RYR3: variants seen among roughly 807,000 people sequenced by gnomAD.
RYR3 encodes the protein brain ryanodine receptor-calcium release channel.
A neutral mutation model predicts 584.3 loss-of-function variants in RYR3; 207 were observed. The ratio of observed to expected loss-of-function variants is 0.35; its 90% CI spans 0.32 to 0.40. The LOEUF is 0.40. RYR3 is among the 10% of genes least tolerant of loss of function. The pLI is 1.00. For synonymous variants in RYR3, 2,416 were observed against 2,248.5 expected (o/e 1.07, Z -2.11); for missense variants, 5,616 against 6,089.2 (o/e 0.92, Z 2.59).
chr15:33,550,203 C>T lies in RYR3; in HGVS notation c.859C>T (p.Arg287Trp), dbSNP rs373319826. 61 of 1,613,692 alleles carry T rather than the reference C, an allele frequency of 3.8e-5. No individual in the cohort carries two copies. The highest frequency in any genetic ancestry group is 4.8e-5 in the Non-Finnish European group (57 of 1,179,806). Reference sequence around the variant, plus strand: ...CAGATGGGGCCAGGCTTTCCGACTCCGGCATCTCACCACAGGCCACTACCT... The same window carrying T: ...CAGATGGGGCCAGGCTTTCCGACTCTGGCATCTCACCACAGGCCACTACCT... ...NIRWGQAFRL[R>W]HLTTGHYLAL... The change falls in exon 10 of 104, where the codon CGG becomes TGG. Residue 287 changes from arginine to tryptophan, a missense_variant. By Grantham distance (101) the Arg-to-Trp change is moderately radical (BLOSUM62 -3). Around this residue, in one of 9 missense-constraint regions of RYR3, gnomAD observed 1,284 missense variants for 1,344.6 expected, o/e 0.95. Transcript: ENST00000634891.
At chr15:33,675,065 G>A (rs185021631) in intron 38 of RYR3, among the ~76,000 whole-genome samples, 75 of 152,278 alleles carry the variant, frequency 4.9e-4, no homozygotes, top group Middle Eastern at 6.8e-3. Flanking sequence ...ACTGCAGTCC[G>A]GCCTGGGTGA....
intron 86 of RYR3, 103 bp downstream of exon 86, chr15:33,831,194 C>T (rs1178942789): frequency 4.6e-6 from 5 of 1,096,008 alleles, no homozygotes; most frequent in Non-Finnish European, 6.3e-6. Context: ...GTGCACTATC[C>T]ATCCAGCCCT....
intron 77 of RYR3, among the ~76,000 whole-genome samples, chr15:33,820,204 T>C (rs769495806): frequency 7.9e-5 from 12 of 152,156 alleles, no homozygotes; most frequent in Admixed American, 3.9e-4. Flanking sequence ...TGACCAGAAA[T>C]GTTCTTTGTC....
chr15:33,452,603 G>C (rs913604779), intron 1 of RYR3, among the ~76,000 whole-genome samples: 1 of 152,152 alleles, frequency 6.6e-6, no homozygotes, highest in African/African-American at 2.4e-5. Context: ...TACAAGTACT[G>C]TTTTGGAGGT....
chr15:33,337,934 ATTTTTT>A (rs199625940), intron 1 of RYR3, among the ~76,000 whole-genome samples: 66 of 113,602 alleles, frequency 5.8e-4, no homozygotes, highest in African/African-American at 1.8e-3. Context: ...ATTTTAGGAG[ATTTTTT>A]TTTTTTTTTT....
chr15:33,458,348 G>A (rs969647747), intron 1 of RYR3, among the ~76,000 whole-genome samples: 4 of 152,164 alleles, frequency 2.6e-5, no homozygotes, highest in Non-Finnish European at 5.9e-5. Flanking sequence ...GAGCTGGGAC[G>A]TCTATTTTTG....
chr15:33,649,285 T>TC (rs759856303), intron 31 of RYR3, 50 bp downstream of exon 31: 2 of 1,531,034 alleles, frequency 1.3e-6, no homozygotes, highest in Non-Finnish European at 1.8e-6. Flanking sequence ...TCTCAGTCCC[T>TC]CCCCCCAGTC....
intron 51 of RYR3, among the ~76,000 whole-genome samples, chr15:33,741,405 C>T (rs2070086812): frequency 6.6e-6 from 1 of 152,188 alleles, no homozygotes. Context: ...CAACTCAAGA[C>T]TTAAATTCCG....
chr15:33,686,604 C>T (rs576932828), intron 38 of RYR3, among the ~76,000 whole-genome samples: 1 of 152,244 alleles, frequency 6.6e-6, no homozygotes, highest in Non-Finnish European at 1.5e-5. Context: ...GCTACCAAAG[C>T]CTGGCAGAGA....
chr15:33,739,785 C>T (rs201341345), intron 50 of RYR3, 47 bp from the exon 51 acceptor site: 7 of 1,536,756 alleles, frequency 4.6e-6, no homozygotes, highest in Non-Finnish European at 5.4e-6. Flanking sequence ...TGTCTAAAGG[C>T]ATGGTTCTGC....
chr15:33,533,873 TATA>T (rs2141081057), intron 5 of RYR3, among the ~76,000 whole-genome samples: 1 of 145,714 alleles, frequency 6.9e-6, no homozygotes, highest in South Asian at 2.2e-4. Context: ...CTGTATCCTT[TATA>T]ATATCATTTA....
At chr15:33,337,933 G>GTTTTTTT (rs1567050796) in intron 1 of RYR3, among the ~76,000 whole-genome samples, 3 of 84,118 alleles carry the variant, frequency 3.6e-5, no homozygotes, top group Non-Finnish European at 7.5e-5. Context: ...CATTTTAGGA[G>GTTTTTTT]ATTTTTTTTT....
intron 16 of RYR3, among the ~76,000 whole-genome samples, chr15:33,593,272 T>C (rs1205341213): frequency 6.6e-6 from 1 of 152,056 alleles, no homozygotes; most frequent in South Asian, 2.1e-4. Flanking sequence ...TTCTGTTTTT[T>C]TAATCTTTTG....
Position 33,659,802 on chromosome 15 carries a change from T to C in RYR3, c.4391T>C (p.Leu1464Pro). ...TTGTTTCAGTTTGAACTTGGAAAGC[T>C]GAAGGTATTTATTTGTCCTCTCATC... ...TSLFQFELGK[L>P]KNAMPLSAAI... The change falls in exon 33 of 104, where the codon CTG becomes CCG. Residue 1464 changes from leucine (L) to proline (P), a missense_variant. Coordinates refer to ENST00000634891, the MANE Select transcript of RYR3 (RefSeq NM_001036.6). 6.2e-7 allele frequency: 1 copy of C among 1,604,090 alleles called. No individual in the cohort carries two copies.
intron 38 of RYR3, among the ~76,000 whole-genome samples, chr15:33,694,424 T>G (rs2065681081): frequency 6.6e-6 from 1 of 152,038 alleles, no homozygotes; most frequent in South Asian, 2.1e-4. Flanking sequence ...TTTTGTATTT[T>G]TAGTAGAGAC....
intron 20 of RYR3, 25 bp downstream of exon 20, chr15:33,624,048 G>A (rs1295293793): frequency 4.0e-6 from 6 of 1,503,480 alleles, no homozygotes; most frequent in African/African-American, 1.4e-5. Flanking sequence ...CCCGCAGAAG[G>A]CAACCAATAT....
intron 70 of RYR3, among the ~76,000 whole-genome samples, chr15:33,809,864 A>G (rs2076424468): frequency 1.3e-5 from 2 of 152,298 alleles, no homozygotes; most frequent in African/African-American, 4.8e-5. Flanking sequence ...ATGAGAAGGT[A>G]TAAGTCAAAG....
chr15:33,722,650 C>A, intron 43 of RYR3, 65 bp from the exon 44 acceptor site: 1 of 1,462,400 alleles, frequency 6.8e-7, no homozygotes, highest in Non-Finnish European at 9.6e-7. Context: ...CCAGCCTCAT[C>A]AACTAGAAAT....
chr15:33,728,854 C>CA lies in RYR3; in HGVS notation c.7034-2dup. ...GAAATTACATTTTCTATGTGTCTTT[C>CA]AGATGGGTCGGTCAGTGAGCCAGAT... On this transcript the variant is annotated splice_region_variant and splice_polypyrimidine_tract_variant and intron_variant, in intron 46 of 103. Transcript: ENST00000634891. 1 of 1,608,900 alleles carries CA rather than the reference C, an allele frequency of 6.2e-7. No individual in the cohort carries two copies. The highest frequency in any genetic ancestry group is 1.1e-5 in the South Asian group (1 of 89,600).
Sources: allele counts gnomAD v4.1 joint callset (sites outside exome capture counted in the v4.1 genomes callset), GRCh38; gene constraint gnomAD v4.1.1; regional missense constraint gnomAD v4.1.1; transcripts MANE v1.5; gene names NCBI Gene and HGNC (gene_info 2026-07-23, HGNC 2026-07-21).